Variants in BIN1 observed in about 807,000 individuals in gnomAD.
BIN1 encodes bridging integrator 1, also known as myc box-dependent-interacting protein 1.
In BIN1, 53 loss-of-function variants were observed where a neutral mutation model predicts 82.0. The observed-to-expected ratio is 0.65, with a 90% CI of 0.52 to 0.81. BIN1 has a LOEUF of 0.81. BIN1 is among the 40% of genes least tolerant of loss of function. BIN1 has a pLI of 0.00. For synonymous variants in BIN1, 302 were observed against 328.0 expected, an observed-to-expected ratio of 0.92 and a Z score of 0.86; for missense variants, 642 against 784.4, an observed-to-expected ratio of 0.82 and a Z score of 2.17.
chr2:127,077,652 G>A (rs1439217598), intron 1 of BIN1, among the ~76,000 whole-genome samples: 1 of 152,196 alleles, frequency 6.6e-6, no homozygotes, highest in Non-Finnish European at 1.5e-5. Flanking sequence ...GAGGCAAGGA[G>A]CGGTGGTGGG....
intron 1 of BIN1, among the ~76,000 whole-genome samples, chr2:127,095,608 T>C (rs1679494782): frequency 6.6e-6 from 1 of 152,206 alleles, no homozygotes; most frequent in Non-Finnish European, 1.5e-5. Context: ...TCCAAGCTCT[T>C]CTTACCACCT....
In BIN1 at chr2:127,059,541, C is replaced by G. The variant is rs1384877019; in HGVS notation, c.858-386G>C. Among the ~76,000 whole-genome samples, 1 of 151,764 alleles carries G rather than the reference C, an allele frequency of 6.6e-6. No individual in the cohort carries two copies. The highest frequency in any genetic ancestry group is 1.5e-5 in the Non-Finnish European group (1 of 68,002). On this transcript the variant is annotated intron_variant, in intron 10 of 18. Coordinates refer to ENST00000316724, the MANE Select transcript of BIN1 (RefSeq NM_139343.3). This position sits in a 1 kb window ranked among gnomAD's most constrained non-coding sequence, Gnocchi z 6.7. The stretch of plus-strand genomic sequence containing the variant: ...CCCAAGATCCACAGCAGGAGAAAGC[C>G]AGACATCCTAGAGGCACAGTGAGTC...
chr2:127,092,119 T>C (rs55678466), intron 1 of BIN1, among the ~76,000 whole-genome samples: 72,458 of 149,620 alleles, frequency 0.48, 17,937 homozygotes, highest in African/African-American at 0.6. Context: ...TACACCCACC[T>C]CTACCCCCTG....
intron 16 of BIN1, 62 bp from the exon 17 acceptor site, chr2:127,050,974 G>T: frequency 1.3e-6 from 2 of 1,551,210 alleles, no homozygotes; most frequent in Non-Finnish European, 1.8e-6. Flanking sequence ...CAGGGCCACC[G>T]AGGAGAAGAG....
Position 127,068,062 on chromosome 2 carries a change from A to G in BIN1, c.612+101T>C. On this transcript the variant is annotated intron_variant, in intron 7 of 18. Coordinates refer to ENST00000316724, the MANE Select transcript of BIN1 (RefSeq NM_139343.3). The surrounding 1 kb of genome is among the most constrained non-coding windows in gnomAD (Gnocchi z 4.9). ...AGAGGCCTTTGAAAAACCCTGCCCCAGCTGGGCTCAGATGCCAGCCCTGCA... is the reference window on the plus strand; with the variant it reads ...AGAGGCCTTTGAAAAACCCTGCCCCGGCTGGGCTCAGATGCCAGCCCTGCA... The G allele has an allele frequency of 7.3e-6, 9 of 1,229,228 alleles. No homozygotes were observed. Among genetic ancestry groups the G allele is most frequent in the Non-Finnish European group, 1.1e-5 (9 of 856,178 alleles). The allele number at this position is 1,229,228 out of a possible 1,614,324, so 76.1% of individuals were successfully genotyped here.
chr2:127,063,548 T>C, intron 9 of BIN1, 23 bp downstream of exon 9: 1 of 1,611,926 alleles, frequency 6.2e-7, no homozygotes, highest in Non-Finnish European at 8.5e-7. Flanking sequence ...GTGTGGCCCC[T>C]CAGAGGGGTC....
At chr2:127,051,361 C>T in intron 15 of BIN1, 118 bp from the exon 16 acceptor site, 1 of 1,039,060 alleles carries the variant, frequency 9.6e-7, no homozygotes, top group Non-Finnish European at 1.5e-6. Flanking sequence ...GCCTGGCTGG[C>T]AGCAGGGTCT....
In BIN1 at chr2:127,048,721, C is replaced by T. The variant is rs564005197; in HGVS notation, c.1675-88G>A. 3,487 of 1,271,584 alleles carry T rather than the reference C, an allele frequency of 2.7e-3. 8 individuals carry two copies. Among genetic ancestry groups the T allele is most frequent in the Non-Finnish European group, 3.7e-3 (3,273 of 882,406 alleles). The allele number at this position is 1,271,584 out of a possible 1,614,324, so 78.8% of individuals were successfully genotyped here. A position where few individuals can be genotyped will look rare whatever the true frequency, so the allele number is the denominator to read the frequency against. On this transcript the variant is annotated intron_variant, in intron 18 of 18. Transcript: ENST00000316724. The stretch of plus-strand genomic sequence containing the variant: ...ATCCCACTCCAACCTGCTGGGAAGA[C>T]GGCCCCTCCTCCTGCTGTTGGTGCC...
chr2:127,084,302 G>A (rs1008185683), intron 1 of BIN1, among the ~76,000 whole-genome samples: 1 of 152,182 alleles, frequency 6.6e-6, no homozygotes, highest in Non-Finnish European at 1.5e-5. Flanking sequence ...CCACAAACAC[G>A]AGCCTCCCCT....
chr2:127,068,371 C>A lies in BIN1; in HGVS notation c.520-116G>T. On this transcript the variant is annotated intron_variant, in intron 6 of 18. Transcript: ENST00000316724. This position sits in a 1 kb window ranked among gnomAD's most constrained non-coding sequence, Gnocchi z 4.9. ...CACGCCCCACGCGCGGGGGCCACCC[C>A]AAGCAGATATGGGCCCTTGAGGCCG... 1 of 783,826 alleles carries A rather than the reference C, an allele frequency of 1.3e-6. No individual in the cohort carries two copies. Among genetic ancestry groups the A allele is most frequent in the Non-Finnish European group, 2.1e-6 (1 of 480,148 alleles). The allele number at this position is 783,826 out of a possible 1,614,324, so 48.6% of individuals were successfully genotyped here. A position where few individuals can be genotyped will look rare whatever the true frequency, so the allele number is the denominator to read the frequency against.
At chr2:127,075,632 C>CT (rs1269765075) in intron 2 of BIN1, among the ~76,000 whole-genome samples, 1 of 152,218 alleles carries the variant, frequency 6.6e-6, no homozygotes, top group East Asian at 1.9e-4. Flanking sequence ...CAACTTGGCC[C>CT]TGGGGCCTCT....
intron 18 of BIN1, 142 bp downstream of exon 18, chr2:127,050,279 G>C: frequency 1.3e-6 from 1 of 793,824 alleles, no homozygotes; most frequent in Non-Finnish European, 2.1e-6. Context: ...CGTGGAGGGC[G>C]GGGAGGAGCA....
chr2:127,052,612 C>T, intron 14 of BIN1: 1 of 546,918 alleles, frequency 1.8e-6, no homozygotes, highest in Non-Finnish European at 3.3e-6. Context: ...GTCAAAATGG[C>T]CCTACCAGCT....
At chr2:127,048,756 C>A in intron 18 of BIN1, 123 bp from the exon 19 acceptor site, 1 of 872,870 alleles carries the variant, frequency 1.1e-6, no homozygotes, top group East Asian at 2.6e-5. Context: ...CTCAGCCTGC[C>A]AAGCCCACCT....
At chr2:127,084,210 C>T (rs184725332) in intron 1 of BIN1, among the ~76,000 whole-genome samples, 243 of 152,306 alleles carry the variant, frequency 1.6e-3, no homozygotes, top group African/African-American at 5.4e-3. Flanking sequence ...GCACCGTATG[C>T]GCAGTGAAGT....
intron 13 of BIN1, 26 bp from the exon 14 acceptor site, chr2:127,053,471 G>A: frequency 1.2e-6 from 2 of 1,613,092 alleles, no homozygotes; most frequent in Middle Eastern, 3.3e-4. Context: ...AGGGCGAGAA[G>A]GACAGTTAGC....
rs778580743 is a variant in BIN1, at chr2:127,050,844, A to G, written c.1530T>C (p.Ser510=). 7 of 1,613,648 alleles carry G rather than the reference A, an allele frequency of 4.3e-6. No individual in the cohort carries two copies. In the Admixed American group the frequency reaches 1.2e-4, roughly 27 times the overall value. The change falls in exon 17 of 19, where the codon AGT becomes AGC. Residue 510 remains serine, a synonymous_variant. Transcript: ENST00000316724. ...GGGGCAGGTCCAAGCGCCCGGCCCC[A>G]CTGCCGCCCTCCACGGTGCCATTCA... ...ATVNGTVEGG[S]GAGRLDLPPG...
At chr2:127,078,529 AGT>A (rs1686904589) in intron 1 of BIN1, among the ~76,000 whole-genome samples, 1 of 152,136 alleles carries the variant, frequency 6.6e-6, no homozygotes, top group African/African-American at 2.4e-5. Flanking sequence ...GGAGTGGGAA[AGT>A]GAGAGTGGCA....
At chr2:127,049,753 G>T in intron 18 of BIN1, among the ~76,000 whole-genome samples, 1 of 152,212 alleles carries the variant, frequency 6.6e-6, no homozygotes, top group Non-Finnish European at 1.5e-5. Context: ...CCTGGGAGGG[G>T]CAACTGACCC....
Sources: gnomAD v4.1 joint callset for allele counts (sites outside exome capture counted in the v4.1 genomes callset) on GRCh38, gnomAD v4.1.1 for gene constraint, Gnocchi (gnomAD v3.1) non-coding constraint, MANE v1.5 for transcripts, NCBI Gene and HGNC (gene_info 2026-07-23, HGNC 2026-07-21) for gene names.